The following CACNA2D3 variants were observed in gnomAD, a reference collection of about 807,000 sequenced individuals.
The protein encoded by CACNA2D3 is calcium voltage-gated channel auxiliary subunit alpha2delta 3.
In CACNA2D3, 60 loss-of-function variants were observed where a neutral mutation model predicts 160.6. The observed-to-expected ratio is 0.37, with a 90% CI of 0.30 to 0.46. CACNA2D3 has a LOEUF of 0.46. Among genes scored for constraint, CACNA2D3 ranks in the 20% least tolerant of loss-of-function variants. The probability of loss-of-function intolerance (pLI) is 1.00; values close to 1 mark genes in which losing one functional copy is unlikely to be tolerated. For missense variants in CACNA2D3, 1,205 were observed against 1,365.0 expected, an observed-to-expected ratio of 0.88 and a Z score of 1.85; for synonymous variants, 558 against 492.9, an observed-to-expected ratio of 1.13 and a Z score of -1.75.
intron 4 of CACNA2D3, among the ~76,000 whole-genome samples, chr3:54,406,956 A>G (rs868199021): frequency 6.6e-6 from 1 of 152,176 alleles, no homozygotes; most frequent in African/African-American, 2.4e-5. Context: ...TTAAAAAAGG[A>G]CAGTGGAACA....
intron 2 of CACNA2D3, among the ~76,000 whole-genome samples, chr3:54,201,452 T>C (rs980659197): frequency 6.6e-6 from 1 of 152,216 alleles, no homozygotes; most frequent in Non-Finnish European, 1.5e-5. Context: ...TATTGATTGA[T>C]GGAAAGAACA....
intron 11 of CACNA2D3, among the ~76,000 whole-genome samples, chr3:54,650,339 A>G (rs1361036025): frequency 6.6e-6 from 1 of 151,534 alleles, no homozygotes; most frequent in Non-Finnish European, 1.5e-5. Flanking sequence ...AGCTAGGATT[A>G]CAGTCAGGCA....
At position 54,503,569 on chromosome 3, in the gene CACNA2D3, C is replaced by T. The variant is rs370830573; in HGVS notation, c.459C>T (p.Ile153=). The change falls in exon 5 of 38, where the codon ATC becomes ATT. Residue 153 remains isoleucine (I), a synonymous_variant. Transcript: ENST00000474759. Reference sequence around the variant, plus strand: ...TTTTGGAGCTGGGAAAGGAATTCATCTTAGCCCCAAATGACCATTTTAATA... The same window carrying T: ...TTTTGGAGCTGGGAAAGGAATTCATTTTAGCCCCAAATGACCATTTTAATA... ...GNFLELGKEF[I]LAPNDHFNNL... The T allele has an allele frequency of 1.9e-6, 3 of 1,613,658 alleles. No homozygotes were observed. The highest frequency in any genetic ancestry group is 2.5e-6 in the Non-Finnish European group (3 of 1,179,598).
At chr3:54,901,908 A>G (rs780157985) in intron 27 of CACNA2D3, among the ~76,000 whole-genome samples, 10 of 152,150 alleles carry the variant, frequency 6.6e-5, no homozygotes, top group Non-Finnish European at 1.3e-4. Context: ...ACTCTGACTC[A>G]ACCATCATAT....
chr3:54,751,472 C>A (rs1435869655), intron 11 of CACNA2D3, among the ~76,000 whole-genome samples: 5 of 151,562 alleles, frequency 3.3e-5, no homozygotes, highest in Non-Finnish European at 5.9e-5. Flanking sequence ...TTTTTTTAAT[C>A]TCTTCATGTA....
chr3:54,914,123 A>G (rs1318347934), intron 27 of CACNA2D3, among the ~76,000 whole-genome samples: 1 of 152,212 alleles, frequency 6.6e-6, no homozygotes. Flanking sequence ...ATAAGTCTGC[A>G]GTTAATTCTG....
chr3:54,444,041 G>A (rs1700183919), intron 4 of CACNA2D3, among the ~76,000 whole-genome samples: 3 of 152,152 alleles, frequency 2.0e-5, no homozygotes, highest in Non-Finnish European at 4.4e-5. Context: ...CAAGGAAGGA[G>A]TGGAGACCCG....
intron 4 of CACNA2D3, among the ~76,000 whole-genome samples, chr3:54,442,406 A>T (rs1700159373): frequency 6.6e-6 from 1 of 152,162 alleles, no homozygotes; most frequent in East Asian, 1.9e-4. Flanking sequence ...GAGGTGTAGC[A>T]GCCATTCTGC....
chr3:54,663,976 T>A (rs1220686806), intron 11 of CACNA2D3, among the ~76,000 whole-genome samples: 1 of 152,220 alleles, frequency 6.6e-6, no homozygotes, highest in Non-Finnish European at 1.5e-5. Flanking sequence ...TGAGTTAGAT[T>A]TTTCCATTCC....
intron 11 of CACNA2D3, among the ~76,000 whole-genome samples, chr3:54,710,167 G>A (rs1700929483): frequency 6.6e-6 from 1 of 152,082 alleles, no homozygotes; most frequent in Admixed American, 6.6e-5. Context: ...GGTGAACAGT[G>A]GTTACTGAGA....
At chr3:55,022,724 A>G (rs1172207706) in intron 35 of CACNA2D3, among the ~76,000 whole-genome samples, 6 of 125,926 alleles carry the variant, frequency 4.8e-5, no homozygotes, top group Admixed American at 9.1e-5. Context: ...TTTTTTTTCC[A>G]TACTCTATGT....
At chr3:54,336,969 T>G (rs1018362133) in intron 3 of CACNA2D3, among the ~76,000 whole-genome samples, 12 of 152,122 alleles carry the variant, frequency 7.9e-5, no homozygotes, top group African/African-American at 2.9e-4. Context: ...AGGTCAGGGC[T>G]GAAGGAGATA....
chr3:54,541,230 TTA>T, intron 5 of CACNA2D3, among the ~76,000 whole-genome samples: 1 of 131,498 alleles, frequency 7.6e-6, no homozygotes, highest in African/African-American at 3.0e-5. Flanking sequence ...TGAGCTGAGA[TTA>T]CACCATTGCA....
intron 35 of CACNA2D3, among the ~76,000 whole-genome samples, chr3:55,066,905 T>C (rs1704653197): frequency 6.6e-6 from 1 of 152,300 alleles, no homozygotes; most frequent in East Asian, 1.9e-4. Context: ...GATGTCAGCC[T>C]GGCTGCTGGG....
rs1438045511 is a variant in CACNA2D3, at chr3:54,563,157, G to A, written c.676+226G>A. On this transcript the variant is annotated intron_variant, in intron 6 of 37. Coordinates refer to ENST00000474759, the MANE Select transcript of CACNA2D3 (RefSeq NM_018398.3). ...CACAGGAATTCTCTGGACCTGCCCT[G>A]TTCTCAATAGAATAATTCACAGAGC... 2.0e-5 allele frequency among the ~76,000 whole-genome samples: 3 copies of A among 152,260 alleles called. No homozygotes were observed. In the East Asian group the frequency reaches 5.8e-4, roughly 29 times the overall value.
chr3:55,002,506 C>G (rs1703005445), intron 31 of CACNA2D3, among the ~76,000 whole-genome samples: 2 of 152,186 alleles, frequency 1.3e-5, no homozygotes, highest in African/African-American at 4.8e-5. Context: ...ATCCCGGTGT[C>G]TGGGTTAGTG....
rs886612006 is a variant in CACNA2D3 at position 54,603,559 on chromosome 3, G to A, written c.963+21682G>A. 6.6e-5 allele frequency among the ~76,000 whole-genome samples: 10 copies of A among 152,272 alleles called. No individual in the cohort carries two copies. In the East Asian group the frequency reaches 1.9e-3, roughly 29 times the overall value. On this transcript the variant is annotated intron_variant, in intron 9 of 37. Transcript: ENST00000474759. ...TCCATGTCTTCACTGTTCCTGACCC[G>A]GGGAAGGCTGTTCGTTGTATGGTCT...
At chr3:54,875,020 C>A (rs1437842327) in intron 18 of CACNA2D3, 2 of 152,114 alleles carry the variant, frequency 1.3e-5, no homozygotes, top group African/African-American at 4.8e-5. Context: ...TCCCCTACTA[C>A]CCTCTAGGCA....
chr3:54,433,925 C>A (rs1030083926), intron 4 of CACNA2D3, among the ~76,000 whole-genome samples: 1 of 152,218 alleles, frequency 6.6e-6, no homozygotes, highest in Admixed American at 6.5e-5. Context: ...TCTTCGCATG[C>A]TCCTAACTAG....
Sources: allele counts gnomAD v4.1 joint callset (sites outside exome capture counted in the v4.1 genomes callset), GRCh38; gene constraint gnomAD v4.1.1; transcripts MANE v1.5; gene names NCBI Gene and HGNC (gene_info 2026-07-23, HGNC 2026-07-21).